HIP1: variants seen among roughly 807,000 people sequenced by gnomAD.
HIP1 encodes the protein huntingtin-interacting protein 1.
Under a neutral mutation model 147.6 loss-of-function variants are expected in HIP1, and 65 were observed. The ratio of observed to expected loss-of-function variants is 0.44; its 90% confidence interval spans 0.36 to 0.54. HIP1 has a LOEUF of 0.54. Ranked by LOEUF, HIP1 falls within the 20% of genes least tolerant of loss-of-function variation. The pLI, the probability that HIP1 is intolerant of heterozygous loss-of-function variation, is 0.00. For synonymous variants in HIP1, 479 were observed against 504.0 expected, an observed-to-expected ratio of 0.95 and a Z score of 0.67; for missense variants, 1,061 against 1,299.6, an observed-to-expected ratio of 0.82 and a Z score of 2.82.
intron 1 of HIP1, 96 bp downstream of exon 1, chr7:75,738,705 C>G (rs1802107058): frequency 2.2e-6 from 3 of 1,388,782 alleles, no homozygotes; most frequent in African/African-American, 2.9e-5. Flanking sequence ...CCGTCTTCAA[C>G]TGGGGCCTGC....
rs1554492827 is a variant in HIP1 at position 75,554,544 on chromosome 7, G to C, written c.1964-18C>G. 2 of 1,598,866 alleles carry C rather than the reference G, an allele frequency of 1.3e-6. No individual in the cohort carries two copies. The highest frequency in any genetic ancestry group is 1.7e-6 in the Non-Finnish European group (2 of 1,166,744). On this transcript the variant is annotated intron_variant, in intron 19 of 30. Coordinates refer to ENST00000336926, the MANE Select transcript of HIP1 (RefSeq NM_005338.7). ...GAGGTGATCTGTGAGAGGGAACACA[G>C]GGCAAGGTCAGAGCAAGTTCTCATA...
intron 4 of HIP1, 108 bp from the exon 5 acceptor site, chr7:75,586,941 C>T (rs1796312778): frequency 1.3e-6 from 1 of 749,968 alleles, no homozygotes; most frequent in Admixed American, 2.1e-5. Flanking sequence ...GTTTTCTCCC[C>T]TTTATTTTAT....
intron 1 of HIP1, among the ~76,000 whole-genome samples, chr7:75,661,702 A>G (rs1799323170): frequency 6.6e-6 from 1 of 151,978 alleles, no homozygotes; most frequent in Admixed American, 6.6e-5. Flanking sequence ...AATGGGGAGC[A>G]AAAGGTGCTA....
intron 1 of HIP1, among the ~76,000 whole-genome samples, chr7:75,712,871 C>G (rs560515016): frequency 9.3e-4 from 142 of 152,316 alleles, no homozygotes; most frequent in Middle Eastern, 6.8e-3. Flanking sequence ...TTCACTCACT[C>G]ATTCATTCAC....
At chr7:75,625,797 G>C (rs10278376) in intron 1 of HIP1, 2 of 152,146 alleles carry the variant, frequency 1.3e-5, no homozygotes, top group Admixed American at 6.5e-5. Flanking sequence ...GAGGCCGGGC[G>C]TGGTGGCTTA....
intron 1 of HIP1, among the ~76,000 whole-genome samples, chr7:75,601,763 C>A (rs901996951): frequency 1.3e-5 from 2 of 152,104 alleles, no homozygotes; most frequent in Non-Finnish European, 2.9e-5. Context: ...GGAGACCATG[C>A]GGCCTGCAAA....
At chr7:75,711,564 T>C (rs1801166163) in intron 1 of HIP1, among the ~76,000 whole-genome samples, 1 of 152,216 alleles carries the variant, frequency 6.6e-6, no homozygotes, top group African/African-American at 2.4e-5. Context: ...GTCCTATTTA[T>C]AGTCTGGAAG....
chr7:75,694,047 G>A (rs1800548752), intron 1 of HIP1, among the ~76,000 whole-genome samples: 2 of 148,612 alleles, frequency 1.3e-5, no homozygotes, highest in East Asian at 2.0e-4. Context: ...AGCCTCCCCA[G>A]TAGCTGGGAT....
At chr7:75,569,923 C>T (rs1795548469) in intron 8 of HIP1, among the ~76,000 whole-genome samples, 1 of 151,346 alleles carries the variant, frequency 6.6e-6, no homozygotes, top group South Asian at 2.1e-4. Flanking sequence ...CTGTGACAAT[C>T]TGAATAAAGT....
At chr7:75,702,354 T>A (rs550828325) in intron 1 of HIP1, among the ~76,000 whole-genome samples, 5 of 152,214 alleles carry the variant, frequency 3.3e-5, no homozygotes, top group Admixed American at 2.0e-4. Context: ...ATGATCTGCC[T>A]GCCTCGGCCT....
chr7:75,542,268 C>T lies in HIP1; in HGVS notation c.2891-288G>A, dbSNP rs959577662. Among the ~76,000 whole-genome samples the T allele has an allele frequency of 9.2e-5, 14 of 151,866 alleles. No homozygotes were observed. In the South Asian group the frequency reaches 1.0e-3, roughly 11 times the overall value. On this transcript the variant is annotated intron_variant, in intron 28 of 30. Coordinates refer to ENST00000336926, the MANE Select transcript of HIP1 (RefSeq NM_005338.7). ...AAAATTAGCTGGGTGCAGTGGTGGG[C>T]GCCTGTAATTCCAGCTACTTGGGAG...
intron 1 of HIP1, among the ~76,000 whole-genome samples, chr7:75,645,437 G>C (rs1027168581): frequency 6.6e-6 from 1 of 152,118 alleles, no homozygotes; most frequent in African/African-American, 2.4e-5. Flanking sequence ...ATGTGGGCCA[G>C]GCTGGTCTCA....
At chr7:75,547,072 T>C (rs781998408) in intron 24 of HIP1, 40 bp from the exon 25 acceptor site, 1 of 1,486,554 alleles carries the variant, frequency 6.7e-7, no homozygotes, top group Admixed American at 2.0e-5. Context: ...GAGATCAAGA[T>C]CCAAGATCAA....
At chr7:75,730,560 A>T (rs1167564665) in intron 1 of HIP1, among the ~76,000 whole-genome samples, 1 of 151,354 alleles carries the variant, frequency 6.6e-6, no homozygotes, top group Non-Finnish European at 1.5e-5. Context: ...GCTGGTCTTG[A>T]ACACCTGACC....
chr7:75,723,436 A>G (rs1368327368), intron 1 of HIP1, among the ~76,000 whole-genome samples: 1 of 152,168 alleles, frequency 6.6e-6, no homozygotes. Context: ...TGAGAATGCA[A>G]CAGGTCTCAC....
At chr7:75,608,708 G>A (rs1356672544) in intron 1 of HIP1, among the ~76,000 whole-genome samples, 2 of 152,210 alleles carry the variant, frequency 1.3e-5, no homozygotes, top group Non-Finnish European at 2.9e-5. Context: ...TCTCATGAAA[G>A]AGAACTCCTC....
In HIP1 at chr7:75,582,250, G is replaced by C; in HGVS notation, c.466-99C>G. On this transcript the variant is annotated intron_variant, in intron 5 of 30. Coordinates refer to ENST00000336926, the MANE Select transcript of HIP1 (RefSeq NM_005338.7). ...CACGCCTGTGGTCCCAGCTACTTGGGAGGCCGAGGTGGGAGGATTGCTTGA... is the reference window on the plus strand; with the variant it reads ...CACGCCTGTGGTCCCAGCTACTTGGCAGGCCGAGGTGGGAGGATTGCTTGA... 4 of 896,334 alleles carry C rather than the reference G, an allele frequency of 4.5e-6. No homozygotes were observed. The South Asian group carries it at 5.7e-5, about 13-fold the overall frequency. The allele number at this position is 896,334 out of a possible 1,614,324, so 55.5% of individuals were successfully genotyped here. A position where few individuals can be genotyped will look rare whatever the true frequency, so the allele number is the denominator to read the frequency against.
At chr7:75,693,358 C>T (rs192459588) in intron 1 of HIP1, among the ~76,000 whole-genome samples, 9 of 152,148 alleles carry the variant, frequency 5.9e-5, no homozygotes, top group South Asian at 2.1e-4. Context: ...AGGCATTCTG[C>T]GGGGCGCCTG....
Position 75,734,316 on chromosome 7 carries a change from A to G in HIP1, c.120+4485T>C, listed in dbSNP as rs1007704857. ...TTAAAGATCAGCTAAGCATGGTGGCATGCTCCTGTAGTCCCAGCACTCAGG... is the reference window on the plus strand; with the variant it reads ...TTAAAGATCAGCTAAGCATGGTGGCGTGCTCCTGTAGTCCCAGCACTCAGG... On this transcript the variant is annotated intron_variant, in intron 1 of 30. Transcript: ENST00000336926. 9.5e-4 allele frequency among the ~76,000 whole-genome samples: 144 copies of G among 151,482 alleles called. 1 individual carries two copies. The highest frequency in any genetic ancestry group is 3.4e-3 in the African/African-American group (142 of 41,286).
Sources: allele counts gnomAD v4.1 joint callset (sites outside exome capture counted in the v4.1 genomes callset), GRCh38; gene constraint gnomAD v4.1.1; transcripts MANE v1.5; gene names NCBI Gene and HGNC (gene_info 2026-07-23, HGNC 2026-07-21).